Variants in PIP4K2A observed in about 807,000 individuals in gnomAD.
The protein encoded by PIP4K2A is phosphatidylinositol-5-phosphate 4-kinase type 2 alpha, also known as phosphatidylinositol 5-phosphate 4-kinase type-2 alpha.
PIP4K2A carries 14 observed loss-of-function variants against 42.9 expected under a neutral mutation model. The observed-to-expected ratio is 0.33, with a 90% CI of 0.22 to 0.51. The LOEUF is 0.51. Ranked by LOEUF, PIP4K2A falls within the 20% of genes least tolerant of loss-of-function variation. PIP4K2A has a pLI of 0.97. For synonymous variants in PIP4K2A, 192 were observed against 192.2 expected (o/e 1.00, Z 0.01); for missense variants, 434 against 519.8 (o/e 0.83, Z 1.61).
chr10:22,550,582 T>C (rs1836385739), intron 7 of PIP4K2A, 77 bp downstream of exon 7: 3 of 820,482 alleles, frequency 3.7e-6, no homozygotes, highest in African/African-American at 1.7e-5. Flanking sequence ...TTTAAATAGA[T>C]GGTTTAAAAA....
intron 7 of PIP4K2A, 82 bp from the exon 8 acceptor site, chr10:22,542,129 C>T (rs971255602): frequency 3.1e-6 from 4 of 1,305,420 alleles, no homozygotes; most frequent in South Asian, 2.8e-5. Flanking sequence ...TCGGGTGACA[C>T]CCAGAGGGAA....
chr10:22,584,850 A>T (rs1837357291), intron 4 of PIP4K2A, among the ~76,000 whole-genome samples: 3 of 152,148 alleles, frequency 2.0e-5, no homozygotes, highest in African/African-American at 7.2e-5. Flanking sequence ...TCCAAATTTT[A>T]ATTGATCACT....
At chr10:22,652,607 T>G (rs16922560) in intron 1 of PIP4K2A, among the ~76,000 whole-genome samples, 18,342 of 152,268 alleles carry the variant, frequency 0.12, 1,219 homozygotes, top group Middle Eastern at 0.22. Flanking sequence ...AGGCTGAAGG[T>G]ACATTTGCTT....
chr10:22,622,134 C>A (rs974537059), intron 1 of PIP4K2A, among the ~76,000 whole-genome samples: 2 of 152,040 alleles, frequency 1.3e-5, no homozygotes, highest in Non-Finnish European at 2.9e-5. Flanking sequence ...GGAGAGCAGA[C>A]AATAGAAAAC....
intron 4 of PIP4K2A, among the ~76,000 whole-genome samples, chr10:22,575,886 C>T (rs912120156): frequency 1.3e-5 from 2 of 151,170 alleles, no homozygotes; most frequent in Non-Finnish European, 2.9e-5. Flanking sequence ...TTCAGTGAGC[C>T]GAGATCGTGC....
chr10:22,606,885 G>A (rs1837917935), intron 3 of PIP4K2A, among the ~76,000 whole-genome samples: 1 of 152,202 alleles, frequency 6.6e-6, no homozygotes, highest in Non-Finnish European at 1.5e-5. Context: ...TATTTGCAAA[G>A]ATAATGAGAT....
chr10:22,661,382 G>A (rs929657650), intron 1 of PIP4K2A, among the ~76,000 whole-genome samples: 20 of 145,984 alleles, frequency 1.4e-4, no homozygotes, highest in African/African-American at 5.1e-4. Flanking sequence ...TAAGAGATGG[G>A]GTCTTGTTCT....
intron 1 of PIP4K2A, among the ~76,000 whole-genome samples, chr10:22,648,687 T>C (rs1315336493): frequency 6.6e-6 from 1 of 152,220 alleles, no homozygotes; most frequent in Non-Finnish European, 1.5e-5. Context: ...CCCTGGCTCT[T>C]GTGGTCTGAA....
intron 1 of PIP4K2A, among the ~76,000 whole-genome samples, chr10:22,677,779 T>C (rs1399583947): frequency 6.6e-6 from 1 of 152,144 alleles, no homozygotes; most frequent in Non-Finnish European, 1.5e-5. Flanking sequence ...CATCAGAAAA[T>C]GTTTCTAAGA....
At chr10:22,554,501 T>C (rs986789564) in intron 6 of PIP4K2A, among the ~76,000 whole-genome samples, 46 of 152,244 alleles carry the variant, frequency 3.0e-4, no homozygotes, top group African/African-American at 1.1e-3. Flanking sequence ...GGTTCTTTAA[T>C]GAGTGTCTTT....
chr10:22,632,281 T>C (rs531685525), intron 1 of PIP4K2A, among the ~76,000 whole-genome samples: 1 of 152,316 alleles, frequency 6.6e-6, no homozygotes, highest in East Asian at 1.9e-4. Flanking sequence ...AGTTTCCTCA[T>C]ATTCATAACT....
At chr10:22,541,556 G>GTA (rs1214277893) in intron 8 of PIP4K2A, among the ~76,000 whole-genome samples, 3 of 152,202 alleles carry the variant, frequency 2.0e-5, no homozygotes, top group Admixed American at 6.5e-5. Context: ...TACATGTATA[G>GTA]TATAGTTCGT....
chr10:22,665,582 CAGA>C (rs1256302718), intron 1 of PIP4K2A, among the ~76,000 whole-genome samples: 2 of 145,860 alleles, frequency 1.4e-5, no homozygotes, highest in Admixed American at 6.9e-5. Flanking sequence ...GTTGAAACTA[CAGA>C]GGTGCACCAC....
chr10:22,551,626 C>G (rs751061286), intron 6 of PIP4K2A, among the ~76,000 whole-genome samples: 24 of 152,272 alleles, frequency 1.6e-4, no homozygotes, highest in Non-Finnish European at 2.6e-4. Context: ...GCATTCAGTA[C>G]GAGCTCAAAA....
intron 3 of PIP4K2A, among the ~76,000 whole-genome samples, chr10:22,604,666 G>C (rs1564439318): frequency 6.6e-6 from 1 of 152,168 alleles, no homozygotes; most frequent in Non-Finnish European, 1.5e-5. Context: ...CTCAGAAAGA[G>C]AGTTGGTTTT....
chr10:22,668,367 T>C (rs968265206), intron 1 of PIP4K2A, among the ~76,000 whole-genome samples: 7 of 152,188 alleles, frequency 4.6e-5, no homozygotes, highest in African/African-American at 1.2e-4. Context: ...AAAAAGACAA[T>C]GGGCTGAAGT....
At chr10:22,650,307 A>G (rs1163312942) in intron 1 of PIP4K2A, among the ~76,000 whole-genome samples, 3 of 152,126 alleles carry the variant, frequency 2.0e-5, no homozygotes, top group African/African-American at 7.2e-5. Flanking sequence ...AGACTGGAGT[A>G]TATAGTGACA....
intron 1 of PIP4K2A, 28 bp downstream of exon 1, chr10:22,714,155 G>A (rs748170209): frequency 1.1e-5 from 18 of 1,588,326 alleles, no homozygotes; most frequent in Non-Finnish European, 1.4e-5. Context: ...AGGAGGAAGG[G>A]GACCGCGCGC....
At position 22,714,456 on chromosome 10, in the gene PIP4K2A, G is replaced by A. The variant is rs1833973429; in HGVS notation, c.-130C>T. 5.0e-6 allele frequency: 2 copies of A among 398,200 alleles called. No individual in the cohort carries two copies. Among genetic ancestry groups the A allele is most frequent in the Non-Finnish European group, 6.8e-6 (2 of 294,710 alleles). 24.7% of individuals were successfully genotyped at this position (398,200 alleles called of 1,614,324 possible). ...CGGCGCGCCGCGCTCCGCTCCGCCC[G>A]CCGCCGCCGGCGCGCTCAGCCCCAC... On this transcript the variant is annotated 5_prime_UTR_variant, in exon 1 of 10. Coordinates refer to ENST00000376573, the MANE Select transcript of PIP4K2A (RefSeq NM_005028.5).
Sources: allele counts gnomAD v4.1 joint callset (sites outside exome capture counted in the v4.1 genomes callset), GRCh38; gene constraint gnomAD v4.1.1; transcripts MANE v1.5; gene names NCBI Gene and HGNC (gene_info 2026-07-23, HGNC 2026-07-21).